Variants in PLA2R1 observed in about 807,000 individuals in gnomAD.
PLA2R1 encodes phospholipase A2 receptor 1, also known as secretory phospholipase A2 receptor.
Under a neutral mutation model 195.9 loss-of-function variants are expected in PLA2R1, and 158 were observed. The ratio of observed to expected loss-of-function variants is 0.81; its 90% confidence interval spans 0.71 to 0.92. PLA2R1 has a LOEUF of 0.92. PLA2R1 is among the 40% of genes least tolerant of loss of function. The pLI is 0.00. For synonymous variants in PLA2R1, 586 were observed against 598.2 expected (o/e 0.98, Z 0.30); for missense variants, 1,626 against 1,764.6 (o/e 0.92, Z 1.41).
chr2:159,981,026 T>A (rs927095331), intron 13 of PLA2R1, among the ~76,000 whole-genome samples: 1 of 152,200 alleles, frequency 6.6e-6, no homozygotes, highest in African/African-American at 2.4e-5. Context: ...AGCACATTAA[T>A]CTCGATGGCA....
chr2:159,989,318 C>G (rs541843568), intron 11 of PLA2R1, among the ~76,000 whole-genome samples: 1 of 152,350 alleles, frequency 6.6e-6, no homozygotes, highest in South Asian at 2.1e-4. Flanking sequence ...ACAAGAGATG[C>G]TGCATGCTCT....
chr2:160,028,264 T>C lies in PLA2R1; in HGVS notation c.1053A>G (p.Pro351=), dbSNP rs762612862. 1.2e-5 allele frequency: 20 copies of C among 1,603,950 alleles called. No homozygotes were observed. Among genetic ancestry groups the C allele is most frequent in the Non-Finnish European group, 1.6e-5 (19 of 1,172,660 alleles). The part of the protein sequence containing the change: ...WRSRDCESTL[P]YICKKYLNHI... ...GGTTTAGATATTTTTTACATATATA[T>C]GGCAAGGTGGACTCACAATCCCGAC... The change falls in exon 6 of 30, where the codon CCA becomes CCG. Residue 351 remains proline, a synonymous_variant. Coordinates refer to ENST00000283243, the MANE Select transcript of PLA2R1 (RefSeq NM_007366.5).
At chr2:160,061,487 T>C (rs1245607379) in intron 1 of PLA2R1, among the ~76,000 whole-genome samples, 1 of 152,104 alleles carries the variant, frequency 6.6e-6, no homozygotes, top group African/African-American at 2.4e-5. Flanking sequence ...GGCCTGATGT[T>C]TTCAGGCGGG....
intron 13 of PLA2R1, among the ~76,000 whole-genome samples, chr2:159,980,512 C>T (rs1437194236): frequency 2.6e-5 from 4 of 152,198 alleles, no homozygotes; most frequent in African/African-American, 4.8e-5. Flanking sequence ...CCATCATCTT[C>T]ACTGAATAAA....
chr2:159,976,668 G>T lies in PLA2R1; in HGVS notation c.2437+17C>A. On this transcript the variant is annotated intron_variant, in intron 16 of 29. Transcript: ENST00000283243. ...ATTAATAATTAGAAATTCAAGAGCTGCCAGAGTCATTCTTACCGTACTGGT... is the reference window on the plus strand; with the variant it reads ...ATTAATAATTAGAAATTCAAGAGCTTCCAGAGTCATTCTTACCGTACTGGT... 1 of 1,537,386 alleles carries T rather than the reference G, an allele frequency of 6.5e-7. No individual in the cohort carries two copies. The highest frequency in any genetic ancestry group is 9.0e-7 in the Non-Finnish European group (1 of 1,110,116).
chr2:160,053,992 T>G (rs1013549057), intron 1 of PLA2R1, among the ~76,000 whole-genome samples: 1 of 152,246 alleles, frequency 6.6e-6, no homozygotes, highest in Non-Finnish European at 1.5e-5. Context: ...ACTGGTTACA[T>G]CCCCATGAAG....
chr2:160,039,236 T>C (rs1435255814), intron 3 of PLA2R1, among the ~76,000 whole-genome samples: 1 of 152,124 alleles, frequency 6.6e-6, no homozygotes, highest in Non-Finnish European at 1.5e-5. Context: ...AGGGCAATCA[T>C]ATCATTTCAC....
At chr2:160,049,861 T>C (rs1487640813) in intron 1 of PLA2R1, among the ~76,000 whole-genome samples, 1 of 151,834 alleles carries the variant, frequency 6.6e-6, no homozygotes, top group Non-Finnish European at 1.5e-5. Flanking sequence ...ATAAATAAAA[T>C]AAGTTCTTAA....
Position 159,947,464 on chromosome 2 carries a change from CT to C in PLA2R1, c.3804del (p.Asp1269ThrfsTer3), listed in dbSNP as rs1687461709. On this transcript the variant is annotated frameshift_variant, in exon 26 of 30. Transcript: ENST00000283243. LOFTEE classifies it high-confidence loss of function. ...TGAGCAGCCTCAAAACTCATACTGT[CT>C]AGGACTGTAGAAAAACTGTAGCAAT... is the stretch of plus-strand genomic sequence containing the variant. ...KSNCYSFSTVLDSMSFEAAHE... is the reference protein window; with the variant it reads ...KSNCYSFSTVXDSMSFEAAHE... The C allele has an allele frequency of 6.2e-7, 1 of 1,613,288 alleles. No homozygotes were observed. Among genetic ancestry groups the C allele is most frequent in the African/African-American group, 1.3e-5 (1 of 74,878 alleles).
the PLA2R1 span, among the ~76,000 whole-genome samples, chr2:159,926,284 T>C: frequency 1.3e-5 from 2 of 152,238 alleles, no homozygotes; most frequent in Non-Finnish European, 2.9e-5. Context: ...TAATATATTA[T>C]CACTGTGTTT....
At chr2:160,049,686 C>T (rs1054394703) in intron 1 of PLA2R1, among the ~76,000 whole-genome samples, 4 of 151,946 alleles carry the variant, frequency 2.6e-5, no homozygotes, top group African/African-American at 7.3e-5. Flanking sequence ...ATTAGCTGGG[C>T]GTGGTGGTGC....
chr2:159,978,709 G>A (rs1027021872), intron 14 of PLA2R1, among the ~76,000 whole-genome samples: 4 of 152,090 alleles, frequency 2.6e-5, no homozygotes, highest in Non-Finnish European at 4.4e-5. Flanking sequence ...TGCCTTTTCT[G>A]TTTTCTGAGC....
chr2:159,975,918 A>G, intron 17 of PLA2R1, 150 bp downstream of exon 17: 6 of 662,262 alleles, frequency 9.1e-6, no homozygotes, highest in South Asian at 5.7e-5. Context: ...AAAATTCTCA[A>G]AAATCTATGG....
Position 159,946,795 on chromosome 2 carries a change from A to G in PLA2R1, c.3967+6T>C, listed in dbSNP as rs1044848658. The G allele has an allele frequency of 6.2e-7, 1 of 1,602,866 alleles. No homozygotes were observed. Among genetic ancestry groups the G allele is most frequent in the African/African-American group, 1.3e-5 (1 of 74,234 alleles). On this transcript the variant is annotated splice_donor_region_variant and intron_variant, in intron 27 of 29. Transcript: ENST00000283243. ...TTATGTCCTCTCCTCTACCCAAATC[A>G]CTTACTGTTACCATCAAATTGAGCA...
intron 1 of PLA2R1, among the ~76,000 whole-genome samples, chr2:160,061,892 G>C (rs1411193478): frequency 6.6e-6 from 1 of 152,158 alleles, no homozygotes; most frequent in Non-Finnish European, 1.5e-5. Flanking sequence ...GCAAGGGGAC[G>C]AACTGAGCCA....
downstream of PLA2R1, among the ~76,000 whole-genome samples, chr2:159,929,861 T>C (rs1214211405): frequency 9.0e-6 from 1 of 111,172 alleles, no homozygotes; most frequent in African/African-American, 3.0e-5. Context: ...TTTGTGTGTG[T>C]GTGTGTGTGT....
chr2:159,949,507 A>G, intron 25 of PLA2R1, 101 bp downstream of exon 25: 1 of 754,070 alleles, frequency 1.3e-6, no homozygotes. Flanking sequence ...TTGAAGAGAG[A>G]CTTCTTACTA....
chr2:160,012,662 C>T (rs1054166295), intron 10 of PLA2R1, among the ~76,000 whole-genome samples: 1 of 152,096 alleles, frequency 6.6e-6, no homozygotes, highest in Non-Finnish European at 1.5e-5. Flanking sequence ...CCTGTAATCC[C>T]GGCACTTTGG....
chr2:160,041,519 G>A (rs1269206377), intron 3 of PLA2R1, among the ~76,000 whole-genome samples: 3 of 152,172 alleles, frequency 2.0e-5, no homozygotes, highest in African/African-American at 4.8e-5. Flanking sequence ...GAGTCAAGAC[G>A]AGAATCCACT....
Sources: allele counts gnomAD v4.1 joint callset (sites outside exome capture counted in the v4.1 genomes callset), GRCh38; gene constraint gnomAD v4.1.1; transcripts MANE v1.5; gene names NCBI Gene and HGNC (gene_info 2026-07-23, HGNC 2026-07-21).